CACNA1H: variants seen among roughly 807,000 people sequenced by gnomAD.
CACNA1H encodes voltage-dependent T-type calcium channel subunit alpha-1H.
A neutral mutation model predicts 192.5 loss-of-function variants in CACNA1H; 149 were observed. The ratio of observed to expected loss-of-function variants is 0.77; its 90% CI spans 0.68 to 0.89. The LOEUF is 0.89. CACNA1H is among the 40% of genes least tolerant of loss of function. CACNA1H has a pLI of 0.00. For synonymous variants in CACNA1H, 2,202 were observed against 1,475.2 expected, an observed-to-expected ratio of 1.49 and a Z score of -11.29; for missense variants, 4,257 against 3,423.5, an observed-to-expected ratio of 1.24 and a Z score of -6.08.
intron 2 of CACNA1H, among the ~76,000 whole-genome samples, chr16:1,155,680 C>T (rs1397835123): frequency 1.3e-5 from 2 of 152,164 alleles, no homozygotes; most frequent in East Asian, 1.9e-4. Flanking sequence ...CAGCCCCGGG[C>T]CTGGCTGTCC....
intron 2 of CACNA1H, among the ~76,000 whole-genome samples, chr16:1,182,224 G>T (rs1290123761): frequency 6.6e-6 from 1 of 152,188 alleles, no homozygotes; most frequent in Non-Finnish European, 1.5e-5. Context: ...GAGGAGGCGG[G>T]CCTCAGCCCA....
Position 1,220,101 on chromosome 16 carries a change from T to C in CACNA1H, c.6169T>C (p.Ser2057Pro). The change falls in exon 35 of 35, where the codon TCC (serine) becomes CCC (proline). Residue 2057 changes from serine (S) to proline (P), a missense_variant. Ser to Pro is a moderately conservative substitution (Grantham distance 74, BLOSUM62 -1). Coordinates refer to ENST00000348261, the MANE Select transcript of CACNA1H (RefSeq NM_021098.3). ...GGTGACCCAGGGGGGCTCCCTGCAG[T>C]CCCCACCACGCTCCCCACGGCCCGC... ...RPVTQGGSLQ[S>P]PPRSPRPASV... The C allele has an allele frequency of 6.8e-7, 1 of 1,478,140 alleles. No homozygotes were observed. The highest frequency in any genetic ancestry group is 1.5e-5 in the African/African-American group (1 of 68,388). The allele number at this position is 1,478,140 out of a possible 1,614,324, so 91.6% of individuals were successfully genotyped here. A position where few individuals can be genotyped will look rare whatever the true frequency, so the allele number is the denominator to read the frequency against.
rs964257664 is a variant in CACNA1H, at chr16:1,221,306, CAG to C, written c.*317_*318del. ...TGTGGGACGAAGACCGGGCACCCGC[CAG>C]AGAGGGGAAGGTACCAGGTTGCGTC... is the stretch of plus-strand genomic sequence containing the variant. On this transcript the variant is annotated 3_prime_UTR_variant, in exon 35 of 35. Coordinates refer to ENST00000348261, the MANE Select transcript of CACNA1H (RefSeq NM_021098.3). 11 of 403,584 alleles carry C rather than the reference CAG, an allele frequency of 2.7e-5. No homozygotes were observed. The highest frequency in any genetic ancestry group is 1.2e-4 in the South Asian group (2 of 16,814). 25.0% of individuals were successfully genotyped at this position (403,584 alleles called of 1,614,324 possible).
chr16:1,220,537 G>A lies in CACNA1H; in HGVS notation c.6605G>A (p.Gly2202Asp), dbSNP rs762635374. ...GTGGAACCCCCTGCGGAGGACGAGG[G>A]CTCTGCGCGGCCCTCCGCGGCAGAG... ...ISVEPPAEDEGSARPSAAEGG... is the reference protein window; with the variant it reads ...ISVEPPAEDEDSARPSAAEGG... Residue 2202 changes from glycine (G) to aspartate (D), a missense_variant, in exon 35 of 35, where the codon GGC (glycine) becomes GAC (aspartate). Physicochemically the swap from Gly to Asp is moderately conservative, Grantham distance 94. Transcript: ENST00000348261. 6.5e-5 allele frequency: 99 copies of A among 1,532,816 alleles called. No homozygotes were observed. The highest frequency in any genetic ancestry group is 8.5e-5 in the Non-Finnish European group (97 of 1,147,294). The allele number at this position is 1,532,816 out of a possible 1,614,324, so 95.0% of individuals were successfully genotyped here.
At chr16:1,163,623 A>G (rs771852891) in intron 2 of CACNA1H, among the ~76,000 whole-genome samples, 3 of 152,208 alleles carry the variant, frequency 2.0e-5, no homozygotes, top group Non-Finnish European at 4.4e-5. Flanking sequence ...CTGTGGTCTG[A>G]TGAGTCAGCC....
intron 26 of CACNA1H, among the ~76,000 whole-genome samples, chr16:1,213,576 A>G (rs1969709169): frequency 6.6e-6 from 1 of 151,992 alleles, no homozygotes; most frequent in Non-Finnish European, 1.5e-5. Flanking sequence ...CTCACCTAGA[A>G]CAGGGTCCTT....
Position 1,202,054 on chromosome 16 carries a change from G to C in CACNA1H, c.1604G>C (p.Ser535Thr), listed in dbSNP as rs1202740626. ...HHHHYHFSHG[S>T]PRRPGPEPGA... ...CACCACTACCATTTCAGCCATGGCA[G>C]CCCCCGCAGGCCCGGCCCCGAGCCA... is the stretch of plus-strand genomic sequence containing the variant. Residue 535 changes from serine (S) to threonine (T), a missense_variant, in exon 9 of 35, where the codon AGC becomes ACC. Ser to Thr is a moderately conservative substitution (Grantham distance 58, BLOSUM62 1). Transcript: ENST00000348261. 6.5e-7 allele frequency: 1 copy of C among 1,537,800 alleles called. No individual in the cohort carries two copies. The highest frequency in any genetic ancestry group is 1.4e-5 in the African/African-American group (1 of 72,926).
rs752853255 is a variant in CACNA1H at position 1,182,566 on chromosome 16, G to A, written c.300-12406G>A. 2.4e-4 allele frequency among the ~76,000 whole-genome samples: 36 copies of A among 152,298 alleles called. 1 individual carries two copies. Among genetic ancestry groups the A allele is most frequent in the Middle Eastern group, 3.4e-3 (1 of 294 alleles). ...TCCCCACCCCCAACTGCCCGTGTGA[G>A]TCACGCAAGTCCAGGCGGCTGGCTC... is the stretch of plus-strand genomic sequence containing the variant. On this transcript the variant is annotated intron_variant, in intron 2 of 34. Transcript: ENST00000348261.
chr16:1,155,242 G>T (rs376990168), intron 2 of CACNA1H, among the ~76,000 whole-genome samples: 3 of 152,310 alleles, frequency 2.0e-5, no homozygotes, highest in East Asian at 3.9e-4. Flanking sequence ...GGGGGCAGCC[G>T]GCCCCGGCCA....
intron 5 of CACNA1H, among the ~76,000 whole-genome samples, chr16:1,197,990 C>T (rs1238421908): frequency 2.0e-5 from 3 of 152,124 alleles, no homozygotes; most frequent in Admixed American, 6.5e-5. Flanking sequence ...AAGCCGCTGC[C>T]GGTCCTCCCC....
chr16:1,185,229 A>ACGTTC (rs2151775957), intron 2 of CACNA1H, among the ~76,000 whole-genome samples: 1 of 152,214 alleles, frequency 6.6e-6, no homozygotes, highest in South Asian at 2.1e-4. Context: ...TGACCAGACC[A>ACGTTC]CGTTCCGTTT....
At chr16:1,202,773 A>T (rs1230058011) in intron 9 of CACNA1H, among the ~76,000 whole-genome samples, 3 of 151,774 alleles carry the variant, frequency 2.0e-5, no homozygotes, top group Non-Finnish European at 4.4e-5. Flanking sequence ...CCCGAGAGGG[A>T]CCGTATGCTT....
At chr16:1,162,795 C>T (rs936626019) in intron 2 of CACNA1H, among the ~76,000 whole-genome samples, 7 of 152,246 alleles carry the variant, frequency 4.6e-5, no homozygotes, top group Non-Finnish European at 5.9e-5. Context: ...GGGGACCATC[C>T]GCCAGGGCTG....
chr16:1,190,805 G>A (rs1966536711), intron 2 of CACNA1H, among the ~76,000 whole-genome samples: 1 of 152,224 alleles, frequency 6.6e-6, no homozygotes, highest in Admixed American at 6.6e-5. Flanking sequence ...ATGGGTAGGG[G>A]CCCTGCAGAC....
At chr16:1,207,515 C>A in intron 14 of CACNA1H, 85 bp downstream of exon 14, 1 of 1,415,398 alleles carries the variant, frequency 7.1e-7, no homozygotes, top group Non-Finnish European at 9.7e-7. Flanking sequence ...GTGTGGGGGG[C>A]CTGCCAAGAG....
At chr16:1,198,311 C>T (rs575307253) in intron 5 of CACNA1H, among the ~76,000 whole-genome samples, 6 of 152,326 alleles carry the variant, frequency 3.9e-5, no homozygotes, top group African/African-American at 9.6e-5. Flanking sequence ...CTCCACACCC[C>T]AGCCCTCCAA....
Position 1,196,041 on chromosome 16 carries a change from A to G in CACNA1H, c.643+18A>G. ...CGTGCCTAGTAAGTGACCGGCCCCGACTGGGCTTGAGATCAACAGGCTTGC... is the reference window on the plus strand; with the variant it reads ...CGTGCCTAGTAAGTGACCGGCCCCGGCTGGGCTTGAGATCAACAGGCTTGC... On this transcript the variant is annotated intron_variant, in intron 5 of 34. Transcript: ENST00000348261. 2 of 1,601,220 alleles carry G rather than the reference A, an allele frequency of 1.2e-6. No individual in the cohort carries two copies. The highest frequency in any genetic ancestry group is 1.7e-5 in the Admixed American group (1 of 59,944).
chr16:1,220,832 A>G lies in CACNA1H; in HGVS notation c.6900A>G (p.Ile2300Met). The change falls in exon 35 of 35, where the codon ATA becomes ATG. Residue 2300 changes from isoleucine to methionine, a missense_variant. Transcript: ENST00000348261. ...PESRASSSGAIVPLEPPESEP... is the reference protein window; with the variant it reads ...PESRASSSGAMVPLEPPESEP... The stretch of plus-strand genomic sequence containing the variant: ...CCAGAGCTTCCTCTTCAGGGGCCAT[A>G]GTGCCCCTGGAACCCCCAGAATCAG... 6.2e-7 allele frequency: 1 copy of G among 1,612,702 alleles called. No individual in the cohort carries two copies. Among genetic ancestry groups the G allele is most frequent in the Admixed American group, 1.7e-5 (1 of 60,022 alleles).
chr16:1,206,378 G>A (rs1968710793), intron 12 of CACNA1H, 89 bp downstream of exon 12: 4 of 1,274,512 alleles, frequency 3.1e-6, no homozygotes, highest in East Asian at 2.5e-5. Flanking sequence ...GAAGGAGAAG[G>A]AGCCCTCCCA....
Sources: gnomAD v4.1 joint callset for allele counts (sites outside exome capture counted in the v4.1 genomes callset) on GRCh38, gnomAD v4.1.1 for gene constraint, MANE v1.5 for transcripts, NCBI Gene and HGNC (gene_info 2026-07-23, HGNC 2026-07-21) for gene names.